The following PPP2R3A variants were observed in gnomAD, a reference collection of about 807,000 sequenced individuals.
PPP2R3A encodes the protein protein phosphatase 2 regulatory subunit B''alpha, also known as serine/threonine-protein phosphatase 2A regulatory subunit B'' subunit alpha.
In PPP2R3A, 80 loss-of-function variants were observed where a neutral mutation model predicts 106.9. The ratio of observed to expected loss-of-function variants is 0.75; its 90% CI spans 0.62 to 0.90. PPP2R3A has a LOEUF of 0.90. Among genes scored for constraint, PPP2R3A ranks in the 40% least tolerant of loss-of-function variants. PPP2R3A has a pLI of 0.00. For missense variants in PPP2R3A, 1,386 were observed against 1,350.4 expected (o/e 1.03, Z -0.41); for synonymous variants, 483 against 468.3 (o/e 1.03, Z -0.41).
chr3:136,139,608 G>C (rs1388244506), intron 13 of PPP2R3A, among the ~76,000 whole-genome samples: 1 of 150,548 alleles, frequency 6.6e-6, no homozygotes, highest in African/African-American at 2.5e-5. Context: ...CAGGAGAATC[G>C]CTTGAACCTC....
intron 1 of PPP2R3A, among the ~76,000 whole-genome samples, chr3:135,994,248 G>A (rs1181601798): frequency 6.6e-6 from 1 of 152,142 alleles, no homozygotes; most frequent in Non-Finnish European, 1.5e-5. Context: ...GAGACTAGGA[G>A]CTGGAGTTAG....
intron 1 of PPP2R3A, among the ~76,000 whole-genome samples, chr3:135,994,914 T>G (rs912092209): frequency 3.3e-5 from 5 of 152,204 alleles, no homozygotes; most frequent in Admixed American, 3.3e-4. Flanking sequence ...CTGCTGCTTC[T>G]AAACCTTTGT....
chr3:136,144,503 A>G (rs1027409823), intron 13 of PPP2R3A, among the ~76,000 whole-genome samples: 1 of 152,108 alleles, frequency 6.6e-6, no homozygotes, highest in Non-Finnish European at 1.5e-5. Flanking sequence ...TCTACTAAAA[A>G]TACAAAACTT....
intron 5 of PPP2R3A, among the ~76,000 whole-genome samples, chr3:136,061,479 T>G (rs1936072076): frequency 6.6e-6 from 1 of 151,816 alleles, no homozygotes; most frequent in South Asian, 2.1e-4. Context: ...AGTACAAAAA[T>G]TAGCCGGGTG....
intron 13 of PPP2R3A, among the ~76,000 whole-genome samples, chr3:136,136,567 A>C (rs1481334770): frequency 6.6e-6 from 1 of 152,196 alleles, no homozygotes; most frequent in Non-Finnish European, 1.5e-5. Context: ...TATTTGTTTT[A>C]CCATTAGATT....
At chr3:135,985,303 GTCTC>G (rs1257873070) in intron 1 of PPP2R3A, among the ~76,000 whole-genome samples, 3 of 148,922 alleles carry the variant, frequency 2.0e-5, no homozygotes, top group Admixed American at 6.7e-5. Flanking sequence ...TGCTCACTTT[GTCTC>G]TCTCTCTCTC....
At chr3:136,136,074 T>TTATATA (rs1410076640) in intron 13 of PPP2R3A, among the ~76,000 whole-genome samples, 593 of 30,292 alleles carry the variant, frequency 0.02, 11 homozygotes, top group South Asian at 0.026. Flanking sequence ...AAAAAAAAAA[T>TTATATA]TATATATATA....
At chr3:136,007,116 T>C (rs1933873119) in intron 2 of PPP2R3A, among the ~76,000 whole-genome samples, 1 of 152,214 alleles carries the variant, frequency 6.6e-6, no homozygotes, top group Non-Finnish European at 1.5e-5. Context: ...AAAAATGTTA[T>C]CTCAAGCTCT....
intron 10 of PPP2R3A, among the ~76,000 whole-genome samples, chr3:136,100,614 G>C (rs1937336477): frequency 1.3e-5 from 2 of 152,052 alleles, no homozygotes; most frequent in African/African-American, 4.8e-5. Flanking sequence ...GGGAGGCAGA[G>C]GTTGCGGTGC....
At chr3:136,050,905 G>A (rs1031244378) in intron 5 of PPP2R3A, among the ~76,000 whole-genome samples, 5 of 152,118 alleles carry the variant, frequency 3.3e-5, no homozygotes, top group African/African-American at 1.2e-4. Context: ...TTATGGCACT[G>A]TGCGTATTGT....
At chr3:136,114,138 T>A (rs1186759021) in intron 13 of PPP2R3A, among the ~76,000 whole-genome samples, 1 of 152,072 alleles carries the variant, frequency 6.6e-6, no homozygotes, top group Non-Finnish European at 1.5e-5. Flanking sequence ...GGGTGGGGCA[T>A]CGCCTCACCC....
intron 3 of PPP2R3A, among the ~76,000 whole-genome samples, chr3:136,030,302 C>G (rs1431781909): frequency 2.0e-5 from 2 of 100,724 alleles, no homozygotes; most frequent in Non-Finnish European, 3.8e-5. Context: ...GAAAAGATAT[C>G]TTGAGTGTGT....
intron 1 of PPP2R3A, among the ~76,000 whole-genome samples, chr3:135,983,893 A>G (rs1466646670): frequency 6.6e-6 from 1 of 152,220 alleles, no homozygotes; most frequent in Non-Finnish European, 1.5e-5. Flanking sequence ...AGCACTTAAC[A>G]TTATTCATTG....
chr3:136,091,116 T>G (rs1937084513), intron 10 of PPP2R3A, among the ~76,000 whole-genome samples: 1 of 152,170 alleles, frequency 6.6e-6, no homozygotes, highest in Admixed American at 6.5e-5. Context: ...ATAGCTTGAT[T>G]GGAGTTATTA....
chr3:136,108,018 G>A (rs975226119), intron 13 of PPP2R3A, among the ~76,000 whole-genome samples: 2 of 152,130 alleles, frequency 1.3e-5, no homozygotes, highest in South Asian at 2.1e-4. Context: ...TTCGAGACCA[G>A]CCTGGGCAAT....
intron 13 of PPP2R3A, among the ~76,000 whole-genome samples, chr3:136,122,715 C>T (rs963978943): frequency 3.9e-5 from 6 of 152,136 alleles, no homozygotes; most frequent in Admixed American, 3.9e-4. Context: ...ATTCATTGTG[C>T]TCACAGAGCC....
chr3:135,982,855 A>T (rs1013666783), intron 1 of PPP2R3A, among the ~76,000 whole-genome samples: 1 of 152,056 alleles, frequency 6.6e-6, no homozygotes, highest in African/African-American at 2.4e-5. Context: ...ACAGAACCCC[A>T]CTAGAGGTGG....
intron 2 of PPP2R3A, chr3:136,022,885 T>C (rs1405068370): frequency 7.2e-7 from 1 of 1,388,440 alleles, no homozygotes; most frequent in Non-Finnish European, 9.3e-7. Context: ...GGGAACCAGC[T>C]GCATGTCAGG....
At chr3:136,095,149 T>TG (rs1373773167) in intron 10 of PPP2R3A, among the ~76,000 whole-genome samples, 1 of 152,098 alleles carries the variant, frequency 6.6e-6, no homozygotes, top group Non-Finnish European at 1.5e-5. Context: ...TTTTTTTCTA[T>TG]GGGGGGAGGT....
Sources: allele counts gnomAD v4.1 joint callset (sites outside exome capture counted in the v4.1 genomes callset), GRCh38; gene constraint gnomAD v4.1.1; transcripts MANE v1.5; gene names NCBI Gene and HGNC (gene_info 2026-07-23, HGNC 2026-07-21).